The following FMN1 variants were observed in gnomAD, a reference collection of about 807,000 sequenced individuals.
FMN1 encodes formin-1.
In FMN1, 110 loss-of-function variants were observed where a neutral mutation model predicts 132.4. That is an observed-to-expected ratio of 0.83 (90% CI 0.71 to 0.97). The LOEUF is 0.97. Ranked by LOEUF, FMN1 falls within the 50% of genes least tolerant of loss-of-function variation. The pLI is 0.00. For synonymous variants in FMN1, 722 were observed against 651.7 expected (o/e 1.11, Z -1.64); for missense variants, 1,792 against 1,705.3 (o/e 1.05, Z -0.90).
intron 7 of FMN1, among the ~76,000 whole-genome samples, chr15:33,004,108 C>A (rs1416207787): frequency 6.6e-6 from 1 of 152,120 alleles, no homozygotes; most frequent in Non-Finnish European, 1.5e-5. Context: ...AAAACCTAGG[C>A]AATACCATTC....
intron 20 of FMN1, among the ~76,000 whole-genome samples, chr15:32,775,421 G>A (rs2056384774): frequency 6.6e-6 from 1 of 151,910 alleles, no homozygotes; most frequent in Non-Finnish European, 1.5e-5. Flanking sequence ...TTGTCTATAT[G>A]GCTGACCCCA....
At chr15:33,169,475 T>C (rs1965231613) in intron 3 of FMN1, among the ~76,000 whole-genome samples, 1 of 152,156 alleles carries the variant, frequency 6.6e-6, no homozygotes, top group African/African-American at 2.4e-5. Flanking sequence ...AAACGGAATT[T>C]TGAGACAAAT....
intron 5 of FMN1, chr15:33,066,449 C>A (rs115805700): frequency 4.4e-6 from 6 of 1,354,376 alleles, no homozygotes; most frequent in Non-Finnish European, 5.9e-6. Context: ...TGGGAGGAAA[C>A]CTGGAAAGAA....
In FMN1 at chr15:32,969,394, C is replaced by A; in HGVS notation, c.2307G>T (p.Leu769=). 6.2e-7 allele frequency: 1 copy of A among 1,613,988 alleles called. No homozygotes were observed. The highest frequency in any genetic ancestry group is 8.5e-7 in the Non-Finnish European group (1 of 1,179,898). The change falls in exon 8 of 21, where the codon CTG becomes CTT. Residue 769 remains leucine (L), a synonymous_variant. Coordinates refer to ENST00000616417, the MANE Select transcript of FMN1 (RefSeq NM_001277313.2). ...GCCATCTGTGTTCTAGCTCGTGTTT[C>A]AGATTTTCAATGGTTTCTTCTAGTC... ...TARLEETIEN[L]KHELEHRWRG...
chr15:32,801,756 C>T (rs2057489533), intron 18 of FMN1, among the ~76,000 whole-genome samples: 1 of 152,228 alleles, frequency 6.6e-6, no homozygotes, highest in South Asian at 2.1e-4. Flanking sequence ...GACTGCGCCA[C>T]TGCAATCCAG....
intron 10 of FMN1, among the ~76,000 whole-genome samples, chr15:32,911,576 T>C: frequency 6.6e-6 from 1 of 152,200 alleles, no homozygotes; most frequent in East Asian, 1.9e-4. Context: ...TTCTGTGGTT[T>C]AGAATCACAT....
intron 7 of FMN1, among the ~76,000 whole-genome samples, chr15:32,985,124 G>C (rs1470247437): frequency 2.0e-5 from 3 of 151,856 alleles, no homozygotes; most frequent in Non-Finnish European, 4.4e-5. Flanking sequence ...TTTACCATAC[G>C]CTCTGTGTAA....
At chr15:32,920,378 G>C (rs2060790713) in intron 10 of FMN1, among the ~76,000 whole-genome samples, 1 of 152,084 alleles carries the variant, frequency 6.6e-6, no homozygotes, top group Non-Finnish European at 1.5e-5. Context: ...TGGTATTATG[G>C]TCACCCTCCT....
At chr15:33,109,684 T>C (rs1171240278) in intron 4 of FMN1, among the ~76,000 whole-genome samples, 2 of 151,970 alleles carry the variant, frequency 1.3e-5, no homozygotes, top group Admixed American at 6.6e-5. Context: ...TGGGGCATAC[T>C]TAATGGGGGA....
At chr15:32,867,074 C>T (rs1031719802) in intron 16 of FMN1, among the ~76,000 whole-genome samples, 2 of 152,196 alleles carry the variant, frequency 1.3e-5, no homozygotes, top group African/African-American at 2.4e-5. Flanking sequence ...ACACAGCTAG[C>T]CCACAGTTTC....
At chr15:33,049,089 A>G (rs1489061865) in intron 6 of FMN1, among the ~76,000 whole-genome samples, 1 of 152,226 alleles carries the variant, frequency 6.6e-6, no homozygotes. Context: ...TGAAAAATTA[A>G]TCTTGTAAAA....
chr15:32,891,183 C>T (rs2060019509), intron 15 of FMN1, among the ~76,000 whole-genome samples: 1 of 152,184 alleles, frequency 6.6e-6, no homozygotes, highest in East Asian at 1.9e-4. Flanking sequence ...TGTGATGCCT[C>T]CAAATTTCTC....
intron 7 of FMN1, among the ~76,000 whole-genome samples, chr15:32,973,681 A>G (rs2031978001): frequency 6.6e-6 from 1 of 151,936 alleles, no homozygotes; most frequent in Admixed American, 6.6e-5. Flanking sequence ...GTGGCAGAGC[A>G]ACTCAAAGTG....
intron 4 of FMN1, among the ~76,000 whole-genome samples, chr15:33,145,562 G>A (rs2140262916): frequency 6.6e-6 from 1 of 151,748 alleles, no homozygotes; most frequent in South Asian, 2.1e-4. Flanking sequence ...CAGAAAATCT[G>A]GAGAACATAC....
intron 17 of FMN1, among the ~76,000 whole-genome samples, chr15:32,810,215 C>A (rs1385782692): frequency 1.3e-5 from 2 of 152,200 alleles, no homozygotes; most frequent in Non-Finnish European, 2.9e-5. Context: ...CCGTGCCCAG[C>A]CTTGTGTACT....
chr15:33,116,837 T>A (rs1027738199), intron 4 of FMN1, among the ~76,000 whole-genome samples: 2 of 152,108 alleles, frequency 1.3e-5, no homozygotes, highest in African/African-American at 4.8e-5. Context: ...TTTGGGCAGG[T>A]CCTTCATAGA....
At chr15:32,804,612 C>CATCG (rs1480320514) in intron 17 of FMN1, among the ~76,000 whole-genome samples, 3 of 151,828 alleles carry the variant, frequency 2.0e-5, no homozygotes, top group African/African-American at 7.3e-5. Flanking sequence ...TTGCTGCACC[C>CATCG]ATCGACTCGT....
chr15:33,194,171 C>G (rs866736025), intron 1 of FMN1, 111 bp from the exon 2 acceptor site: 1 of 143,810 alleles, frequency 7.0e-6, no homozygotes, highest in Non-Finnish European at 1.5e-5. Context: ...TCCCCCTCTG[C>G]GCTAAACACA....
chr15:32,972,299 G>A (rs1342410122), intron 7 of FMN1, among the ~76,000 whole-genome samples: 4 of 152,064 alleles, frequency 2.6e-5, no homozygotes, highest in Non-Finnish European at 5.9e-5. Context: ...AGCAAAAATA[G>A]ACATACCAAA....
Sources: allele counts gnomAD v4.1 joint callset (sites outside exome capture counted in the v4.1 genomes callset), GRCh38; gene constraint gnomAD v4.1.1; transcripts MANE v1.5; gene names NCBI Gene and HGNC (gene_info 2026-07-23, HGNC 2026-07-21).